Variants in IL34 observed in about 807,000 individuals in gnomAD.
IL34 encodes interleukin 34.
A neutral mutation model predicts 25.3 loss-of-function variants in IL34; 17 were observed. The ratio of observed to expected loss-of-function variants is 0.67; its 90% confidence interval spans 0.46 to 1.01. IL34 has a LOEUF of 1.01. Ranked by LOEUF, IL34 falls within the 50% of genes least tolerant of loss-of-function variation. The probability of loss-of-function intolerance (pLI) is 0.00; values close to 1 mark genes in which losing one functional copy is unlikely to be tolerated. For synonymous variants in IL34, 174 were observed against 140.9 expected (o/e 1.23, Z -1.66); for missense variants, 368 against 312.9 (o/e 1.18, Z -1.33).
At chr16:70,645,658 CT>C (rs1202605236), upstream of IL34, among the ~76,000 whole-genome samples, 1 of 152,182 alleles carries the variant, frequency 6.6e-6, no homozygotes, top group Non-Finnish European at 1.5e-5. Flanking sequence ...GCCGTATGAC[CT>C]TGGACAAGTG....
At chr16:70,606,502 G>C (rs60775369) in intron 1 of IL34, among the ~76,000 whole-genome samples, 26,521 of 152,060 alleles carry the variant, frequency 0.17, 3,402 homozygotes, top group African/African-American at 0.36. Context: ...GTTCCTCCCT[G>C]CCGACTCTCC....
chr16:70,638,515 AC>A (rs201667220), intron 1 of IL34, among the ~76,000 whole-genome samples: 1 of 149,048 alleles, frequency 6.7e-6, no homozygotes, highest in African/African-American at 2.5e-5. Context: ...CTGCCTTCTG[AC>A]CCCCCCACTC....
intron 1 of IL34, among the ~76,000 whole-genome samples, chr16:70,618,134 G>A (rs954645420): frequency 2.6e-5 from 4 of 152,170 alleles, no homozygotes; most frequent in African/African-American, 9.7e-5. Context: ...CAATGGAAAG[G>A]AAATGAGAGG....
intron 1 of IL34, among the ~76,000 whole-genome samples, chr16:70,603,309 C>T (rs759046236): frequency 3.9e-5 from 6 of 151,974 alleles, no homozygotes; most frequent in Non-Finnish European, 7.4e-5. Context: ...AATGGAGTTT[C>T]GCTCTTGTTG....
At chr16:70,657,833 T>C (rs1397148744) in intron 4 of IL34, among the ~76,000 whole-genome samples, 16 of 152,170 alleles carry the variant, frequency 1.1e-4, no homozygotes, top group Non-Finnish European at 2.9e-5. Context: ...ATACATGACA[T>C]CATGCATTTG....
At chr16:70,622,173 T>C (rs1337354837) in intron 1 of IL34, among the ~76,000 whole-genome samples, 3 of 152,076 alleles carry the variant, frequency 2.0e-5, no homozygotes, top group Admixed American at 1.3e-4. Context: ...AGGAATTATG[T>C]CTGACAAAAG....
At chr16:70,657,251 C>T (rs531344551) in intron 4 of IL34, 130 bp downstream of exon 4, 32 of 951,382 alleles carry the variant, frequency 3.4e-5, no homozygotes, top group Non-Finnish European at 3.8e-5. Context: ...AGCAGAGGGA[C>T]GTGGGAGAAG....
At chr16:70,651,608 G>A (rs1166352083) in intron 1 of IL34, among the ~76,000 whole-genome samples, 1 of 152,056 alleles carries the variant, frequency 6.6e-6, no homozygotes, top group Non-Finnish European at 1.5e-5. Flanking sequence ...GAAGGCAGTG[G>A]GGAGGTAGCA....
chr16:70,636,812 T>C (rs944737086), intron 1 of IL34, among the ~76,000 whole-genome samples: 1 of 151,344 alleles, frequency 6.6e-6, no homozygotes, highest in African/African-American at 2.4e-5. Flanking sequence ...CAAAACAGAA[T>C]GAAGAAGAAT....
At chr16:70,634,500 T>C (rs915227962) in intron 1 of IL34, among the ~76,000 whole-genome samples, 1 of 151,718 alleles carries the variant, frequency 6.6e-6, no homozygotes. Context: ...ACCAACAAGG[T>C]GAAACCCCAT....
chr16:70,591,429 C>T (rs374749458), intron 1 of IL34, among the ~76,000 whole-genome samples: 2 of 151,984 alleles, frequency 1.3e-5, no homozygotes, highest in Admixed American at 6.6e-5. Flanking sequence ...GTTAGCCGGG[C>T]GTGGTGGCAC....
intron 1 of IL34, among the ~76,000 whole-genome samples, chr16:70,599,173 G>T (rs1482196887): frequency 6.6e-6 from 1 of 152,212 alleles, no homozygotes; most frequent in Non-Finnish European, 1.5e-5. Flanking sequence ...AGAGAGCCAA[G>T]GGGCTTTGTG....
intron 1 of IL34, among the ~76,000 whole-genome samples, chr16:70,612,945 A>G (rs2051112433): frequency 6.6e-6 from 1 of 152,026 alleles, no homozygotes; most frequent in African/African-American, 2.4e-5. Context: ...GCTAATTTTT[A>G]TATGTTTAGT....
At chr16:70,656,867 G>A (rs2052237609) in intron 3 of IL34, 93 bp from the exon 4 acceptor site, 1 of 1,393,570 alleles carries the variant, frequency 7.2e-7, no homozygotes, top group Non-Finnish European at 1.0e-6. Flanking sequence ...GCCCGCGTCT[G>A]CTCCCTATGC....
At chr16:70,644,014 G>T, upstream of IL34, among the ~76,000 whole-genome samples, 1 of 152,118 alleles carries the variant, frequency 6.6e-6, no homozygotes, top group East Asian at 1.9e-4. Flanking sequence ...TCGCTCTGTT[G>T]CCCCGACTGG....
chr16:70,641,178 C>T (rs953662578), intron 1 of IL34, among the ~76,000 whole-genome samples: 2 of 152,044 alleles, frequency 1.3e-5, no homozygotes, highest in Admixed American at 1.3e-4. Flanking sequence ...GGAGGCTAAG[C>T]AGGGGAATCA....
At chr16:70,589,274 G>A (rs1361116817) in intron 1 of IL34, among the ~76,000 whole-genome samples, 2 of 151,954 alleles carry the variant, frequency 1.3e-5, no homozygotes, top group African/African-American at 2.4e-5. Flanking sequence ...TTTTAGATTC[G>A]GGGGTACATG....
chr16:70,610,753 A>G (rs2051078194), intron 1 of IL34, among the ~76,000 whole-genome samples: 1 of 152,210 alleles, frequency 6.6e-6, no homozygotes, highest in African/African-American at 2.4e-5. Context: ...CCAGGAAGAG[A>G]TAAGGCAAAG....
intron 1 of IL34, among the ~76,000 whole-genome samples, chr16:70,648,321 C>T (rs1012361113): frequency 2.0e-5 from 3 of 151,954 alleles, no homozygotes; most frequent in Non-Finnish European, 2.9e-5. Flanking sequence ...TGTGGGAGGC[C>T]AAGGCAGGAG....
Sources: gnomAD v4.1 joint callset for allele counts (sites outside exome capture counted in the v4.1 genomes callset) on GRCh38, gnomAD v4.1.1 for gene constraint, MANE v1.5 for transcripts, NCBI Gene and HGNC (gene_info 2026-07-23, HGNC 2026-07-21) for gene names.